The following ATRNL1 variants were observed in gnomAD, a reference collection of about 807,000 sequenced individuals.
The protein encoded by ATRNL1 is attractin-like protein 1.
ATRNL1 carries 95 observed loss-of-function variants against 182.7 expected under a neutral mutation model. That is an observed-to-expected ratio of 0.52 (90% CI 0.44 to 0.62). The LOEUF (loss-of-function observed/expected upper bound fraction) is 0.62, where lower values mean the gene tolerates loss of function less well. ATRNL1 is among the 20% of genes least tolerant of loss of function. The pLI is 0.00. For missense variants in ATRNL1, 1,471 were observed against 1,679.5 expected, an observed-to-expected ratio of 0.88 and a Z score of 2.17; for synonymous variants, 576 against 568.3, an observed-to-expected ratio of 1.01 and a Z score of -0.19.
chr10:115,442,297 C>CTCTCTCTCTCTCTCTCTCTT (rs1385253722), intron 21 of ATRNL1, among the ~76,000 whole-genome samples: 24 of 134,084 alleles, frequency 1.8e-4, no homozygotes, highest in African/African-American at 6.1e-4. Flanking sequence ...CTCTCTCTCT[C>CTCTCTCTCTCTCTCTCTCTT]TCTCTCTGTG....
chr10:115,135,521 C>T (rs144888187), intron 5 of ATRNL1, among the ~76,000 whole-genome samples: 20 of 152,176 alleles, frequency 1.3e-4, no homozygotes, highest in East Asian at 1.2e-3. Context: ...AACCACTGCT[C>T]AACGAAATAA....
At chr10:115,525,392 G>A (rs192779665) in intron 25 of ATRNL1, among the ~76,000 whole-genome samples, 1 of 152,134 alleles carries the variant, frequency 6.6e-6, no homozygotes, top group Admixed American at 6.6e-5. Context: ...ATTACATTGG[G>A]TCTCCATCTT....
intron 28 of ATRNL1, among the ~76,000 whole-genome samples, chr10:115,879,312 A>AAAAAAAAAAAAAAAG (rs781983949): frequency 2.7e-5 from 4 of 150,880 alleles, no homozygotes; most frequent in Middle Eastern, 3.4e-3. Flanking sequence ...TCTCAAAAAA[A>AAAAAAAAAAAAAAAG]AAAGAAAGAA....
intron 27 of ATRNL1, among the ~76,000 whole-genome samples, chr10:115,774,568 G>A (rs1028160385): frequency 7.2e-5 from 11 of 151,996 alleles, no homozygotes; most frequent in African/African-American, 2.2e-4. Flanking sequence ...AACACTTCTG[G>A]GTAGAAGAAG....
intron 28 of ATRNL1, among the ~76,000 whole-genome samples, chr10:115,860,055 C>T (rs1392431644): frequency 6.6e-6 from 1 of 152,142 alleles, no homozygotes; most frequent in Non-Finnish European, 1.5e-5. Flanking sequence ...AGCTTTCATG[C>T]AGGTAAAAGC....
intron 8 of ATRNL1, among the ~76,000 whole-genome samples, chr10:115,201,339 T>C (rs1237402751): frequency 2.0e-5 from 3 of 152,178 alleles, no homozygotes; most frequent in Admixed American, 6.6e-5. Context: ...GCCTAGGTTT[T>C]CTTCTAGGGT....
intron 28 of ATRNL1, among the ~76,000 whole-genome samples, chr10:115,931,840 C>T (rs782230561): frequency 1.3e-5 from 2 of 152,176 alleles, no homozygotes; most frequent in African/African-American, 4.8e-5. Flanking sequence ...CAGATACACA[C>T]GTCAAATGAT....
chr10:115,380,806 A>G (rs538969630), intron 19 of ATRNL1, among the ~76,000 whole-genome samples: 3 of 152,122 alleles, frequency 2.0e-5, no homozygotes, highest in African/African-American at 4.8e-5. Context: ...CTTTTGACCT[A>G]TTTCCATTCT....
chr10:115,532,953 A>G (rs1554988823), intron 25 of ATRNL1, among the ~76,000 whole-genome samples: 1 of 150,748 alleles, frequency 6.6e-6, no homozygotes, highest in Non-Finnish European at 1.5e-5. Context: ...CTTGCATCCC[A>G]GGGATGAAGC....
intron 26 of ATRNL1, among the ~76,000 whole-genome samples, chr10:115,661,970 T>C (rs1860721808): frequency 8.3e-6 from 1 of 120,170 alleles, no homozygotes; most frequent in Admixed American, 1.1e-4. Context: ...GATGTTCCCC[T>C]TCCTGTGTCC....
chr10:115,182,782 A>G (rs1293293685), intron 8 of ATRNL1, among the ~76,000 whole-genome samples: 3 of 151,710 alleles, frequency 2.0e-5, no homozygotes, highest in Non-Finnish European at 3.0e-5. Context: ...GAAGAATATT[A>G]TCTATACACC....
At chr10:115,805,578 GA>G (rs111578167) in intron 27 of ATRNL1, among the ~76,000 whole-genome samples, 7,637 of 152,198 alleles carry the variant, frequency 0.05, 551 homozygotes, top group African/African-American at 0.16. Flanking sequence ...AGTTCAGTGA[GA>G]AGAGCATCAG....
chr10:115,301,975 A>C lies in ATRNL1; in HGVS notation c.2750A>C (p.Asp917Ala). 1.2e-6 allele frequency: 2 copies of C among 1,614,014 alleles called. No individual in the cohort carries two copies. Among genetic ancestry groups the C allele is most frequent in the Non-Finnish European group, 1.7e-6 (2 of 1,179,934 alleles). The change falls in exon 17 of 29, where the codon GAC becomes GCC. Residue 917 changes from aspartate (D) to alanine (A), a missense_variant. Transcript: ENST00000355044. ...TGCAGCAGTACGAAACGATGTGTTG[A>C]CTCTAATGCCTATATCATCTCTTTT... ...MWCSSTKRCV[D>A]SNAYIISFPY...
chr10:115,748,180 C>T (rs1948347016), intron 27 of ATRNL1, among the ~76,000 whole-genome samples: 1 of 151,866 alleles, frequency 6.6e-6, no homozygotes, highest in African/African-American at 2.4e-5. Context: ...TATTGCTTTT[C>T]TGATATTATT....
At chr10:115,404,064 A>C (rs1844709651) in intron 20 of ATRNL1, among the ~76,000 whole-genome samples, 1 of 152,202 alleles carries the variant, frequency 6.6e-6, no homozygotes, top group Non-Finnish European at 1.5e-5. Flanking sequence ...TTTTGGTAAC[A>C]AGTCTAACTT....
intron 27 of ATRNL1, among the ~76,000 whole-genome samples, chr10:115,813,716 A>G (rs955449257): frequency 3.3e-5 from 5 of 152,242 alleles, no homozygotes; most frequent in Non-Finnish European, 7.3e-5. Context: ...ATTAAATAAT[A>G]GAATAGATGC....
chr10:115,307,330 T>A (rs1853783792), intron 17 of ATRNL1, among the ~76,000 whole-genome samples: 1 of 152,184 alleles, frequency 6.6e-6, no homozygotes, highest in Non-Finnish European at 1.5e-5. Context: ...TGGCACAATC[T>A]TGGCCCAGTG....
At chr10:115,254,922 G>A (rs1592330293) in intron 10 of ATRNL1, among the ~76,000 whole-genome samples, 1 of 152,080 alleles carries the variant, frequency 6.6e-6, no homozygotes, top group African/African-American at 2.4e-5. Context: ...TTTTTGTCAG[G>A]TTTGTCAAAG....
intron 28 of ATRNL1, among the ~76,000 whole-genome samples, chr10:115,861,617 G>T (rs1187169775): frequency 2.6e-5 from 4 of 152,148 alleles, no homozygotes; most frequent in East Asian, 3.8e-4. Context: ...TAGGCCTGTT[G>T]TCTCAGCCCC....
Sources: gnomAD v4.1 joint callset for allele counts (sites outside exome capture counted in the v4.1 genomes callset) on GRCh38, gnomAD v4.1.1 for gene constraint, MANE v1.5 for transcripts, NCBI Gene and HGNC (gene_info 2026-07-23, HGNC 2026-07-21) for gene names.